TRIM33: variants seen among roughly 807,000 people sequenced by gnomAD.
TRIM33 encodes the protein tripartite motif containing 33.
TRIM33 carries 20 observed loss-of-function variants against 125.4 expected under a neutral mutation model. That is an observed-to-expected ratio of 0.16 (90% CI 0.11 to 0.23). The LOEUF is 0.23. Among genes scored for constraint, TRIM33 ranks in the 10% least tolerant of loss-of-function variants. The pLI, the probability that TRIM33 is intolerant of heterozygous loss-of-function variation, is 1.00. For missense variants in TRIM33, 920 were observed against 1,411.4 expected, an observed-to-expected ratio of 0.65 and a Z score of 5.58; for synonymous variants, 564 against 513.9, an observed-to-expected ratio of 1.10 and a Z score of -1.32.
At chr1:114,480,638 AG>A (rs1651271666) in intron 1 of TRIM33, among the ~76,000 whole-genome samples, 1 of 152,104 alleles carries the variant, frequency 6.6e-6, no homozygotes, top group Non-Finnish European at 1.5e-5. Context: ...TCAGTAAAGA[AG>A]GAAAAGAACA....
At position 114,463,528 on chromosome 1, in the gene TRIM33, C is replaced by T. The variant is rs939768651; in HGVS notation, c.674G>A (p.Ser225Asn). Residue 225 changes from serine (S) to asparagine (N), a missense_variant, in exon 3 of 20, where the codon AGT (serine) becomes AAT (asparagine). Around this residue, in one of 8 missense-constraint regions of TRIM33, gnomAD observed 24 missense variants for 83.9 expected, o/e 0.29. Coordinates refer to ENST00000358465, the MANE Select transcript of TRIM33 (RefSeq NM_015906.4). ...ACATTCTACACAAAAGCCAACTGCA[C>T]TTGCATTGTCTTCACAACTAGTACA... ...QVCTSCEDNA[S>N]AVGFCVECGE... 31 of 1,609,210 alleles carry T rather than the reference C, an allele frequency of 1.9e-5. No individual in the cohort carries two copies. The highest frequency in any genetic ancestry group is 2.4e-5 in the Non-Finnish European group (28 of 1,176,174).
At chr1:114,398,089 T>C in intron 18 of TRIM33, 99 bp from the exon 19 acceptor site, 1 of 1,224,730 alleles carries the variant, frequency 8.2e-7, no homozygotes, top group South Asian at 1.4e-5. Context: ...TCAGCCATAC[T>C]AGGGAGAACA....
intron 1 of TRIM33, among the ~76,000 whole-genome samples, chr1:114,494,143 T>C (rs938430829): frequency 4.0e-5 from 6 of 151,554 alleles, no homozygotes; most frequent in African/African-American, 1.5e-4. Context: ...TTAATTTTAT[T>C]TAGAGACAGG....
At chr1:114,414,824 C>G (rs1326762240) in intron 11 of TRIM33, among the ~76,000 whole-genome samples, 1 of 151,952 alleles carries the variant, frequency 6.6e-6, no homozygotes, top group Non-Finnish European at 1.5e-5. Flanking sequence ...AAGCATAATA[C>G]AAAAGCGTAA....
intron 18 of TRIM33, among the ~76,000 whole-genome samples, chr1:114,398,926 C>CAA (rs1180481736): frequency 1.7e-5 from 2 of 119,352 alleles, no homozygotes; most frequent in African/African-American, 3.2e-5. Context: ...CAAAACAAAA[C>CAA]AAAACAAAAA....
At chr1:114,471,028 G>A (rs1038962355) in intron 1 of TRIM33, among the ~76,000 whole-genome samples, 1 of 152,126 alleles carries the variant, frequency 6.6e-6, no homozygotes, top group Non-Finnish European at 1.5e-5. Context: ...CGAACTCCTG[G>A]GCCCAAGCAA....
chr1:114,401,557 AC>A, intron 16 of TRIM33, 94 bp from the exon 17 acceptor site: 3 of 1,005,948 alleles, frequency 3.0e-6, no homozygotes, highest in Non-Finnish European at 3.0e-6. Flanking sequence ...AAGTTTGATT[AC>A]AACAAACTGA....
At chr1:114,492,806 T>A (rs1432978630) in intron 1 of TRIM33, among the ~76,000 whole-genome samples, 1 of 152,244 alleles carries the variant, frequency 6.6e-6, no homozygotes, top group Non-Finnish European at 1.5e-5. Flanking sequence ...TTTTATCAAT[T>A]CATCTGTTGA....
At chr1:114,480,476 TAAA>T (rs61241613) in intron 1 of TRIM33, among the ~76,000 whole-genome samples, 6,503 of 77,650 alleles carry the variant, frequency 0.084, 267 homozygotes, top group African/African-American at 0.2. Context: ...ATGATCAATT[TAAA>T]AAAAAAAAAA....
At chr1:114,502,502 C>T (rs1049162375) in intron 1 of TRIM33, among the ~76,000 whole-genome samples, 3 of 152,014 alleles carry the variant, frequency 2.0e-5, no homozygotes, top group Non-Finnish European at 2.9e-5. Flanking sequence ...ATGACGTTTA[C>T]TTTATTACTA....
chr1:114,449,585 A>C (rs962389121), intron 4 of TRIM33, among the ~76,000 whole-genome samples: 1 of 152,154 alleles, frequency 6.6e-6, no homozygotes, highest in Non-Finnish European at 1.5e-5. Flanking sequence ...TAAAACTGTC[A>C]ATGGAAAAGA....
In TRIM33 at chr1:114,511,121, CCCGCGT is replaced by C; in HGVS notation, c.-51_-46del. On this transcript the variant is annotated 5_prime_UTR_variant, in exon 1 of 20. Transcript: ENST00000358465. ...CCGGACCGCCCCGCGCCGCCCGCCG[CCCGCGT>C]CGCCGCCGCCGCCGCCCCCAGCCCC... The C allele has an allele frequency of 8.9e-7, 1 of 1,120,934 alleles. No individual in the cohort carries two copies. The highest frequency in any genetic ancestry group is 1.1e-6 in the Non-Finnish European group (1 of 920,526). The allele number at this position is 1,120,934 out of a possible 1,614,324, so 69.4% of individuals were successfully genotyped here.
Position 114,405,680 on chromosome 1 carries a change from C to A in TRIM33, c.2498G>T (p.Ser833Ile). The A allele has an allele frequency of 6.2e-7, 1 of 1,614,218 alleles. No individual in the cohort carries two copies. Among genetic ancestry groups the A allele is most frequent in the Non-Finnish European group, 8.5e-7 (1 of 1,180,028 alleles). Residue 833 changes from serine (S) to isoleucine (I), a missense_variant, in exon 15 of 20, where the codon AGC becomes ATC. Ser to Ile is a moderately radical substitution (Grantham distance 142). Coordinates refer to ENST00000358465, the MANE Select transcript of TRIM33 (RefSeq NM_015906.4). ...TTCAATTTTCACATGGTTTTCCAGG[C>A]TTGCCAATGCATCCAATTCACTTTC... Reference protein sequence around the residue: ...HLESELDALASLENHVKIEPA... With the variant: ...HLESELDALAILENHVKIEPA...
intron 1 of TRIM33, among the ~76,000 whole-genome samples, chr1:114,470,272 A>G (rs370804301): frequency 5.9e-5 from 9 of 152,194 alleles, no homozygotes; most frequent in Admixed American, 2.0e-4. Flanking sequence ...CCAAATTAGT[A>G]GACGCCATTT....
At chr1:114,409,962 C>G (rs1007929711) in intron 12 of TRIM33, among the ~76,000 whole-genome samples, 4 of 152,162 alleles carry the variant, frequency 2.6e-5, no homozygotes, top group African/African-American at 9.7e-5. Context: ...TGTCTCAAGA[C>G]TGTAACAATA....
chr1:114,474,318 C>G, intron 1 of TRIM33, among the ~76,000 whole-genome samples: 1 of 151,766 alleles, frequency 6.6e-6, no homozygotes, highest in East Asian at 1.9e-4. Flanking sequence ...CACCTGTAAT[C>G]CCAGCACTTT....
intron 4 of TRIM33, among the ~76,000 whole-genome samples, chr1:114,439,132 T>C (rs1379209347): frequency 6.6e-6 from 1 of 152,200 alleles, no homozygotes; most frequent in Non-Finnish European, 1.5e-5. Flanking sequence ...GAACAGGATG[T>C]CACTTTCTAT....
intron 4 of TRIM33, among the ~76,000 whole-genome samples, chr1:114,449,571 CTTGTAAAACTGTCA>C (rs1649195297): frequency 6.6e-6 from 1 of 152,170 alleles, no homozygotes; most frequent in African/African-American, 2.4e-5. Context: ...GGGTCTTCCT[CTTGTAAAACTGTCA>C]ATGGAAAAGA....
At chr1:114,420,330 C>G in intron 11 of TRIM33, 1 of 1,110,268 alleles carries the variant, frequency 9.0e-7, no homozygotes, top group Non-Finnish European at 1.2e-6. Context: ...CTTTTCTCAG[C>G]CCAACTGACT....
Sources: gnomAD v4.1 joint callset for allele counts (sites outside exome capture counted in the v4.1 genomes callset) on GRCh38, gnomAD v4.1.1 for gene constraint, gnomAD v4.1.1 regional missense constraint, MANE v1.5 for transcripts, NCBI Gene and HGNC (gene_info 2026-07-23, HGNC 2026-07-21) for gene names.